Variants in SMYD3 observed in about 807,000 individuals in gnomAD.
SMYD3 encodes the protein histone-lysine N-methyltransferase SMYD3.
SMYD3 carries 36 observed loss-of-function variants against 57.7 expected under a neutral mutation model. The ratio of observed to expected loss-of-function variants is 0.62; its 90% CI spans 0.48 to 0.82. The LOEUF (loss-of-function observed/expected upper bound fraction) is 0.82. Among genes scored for constraint, SMYD3 ranks in the 40% least tolerant of loss-of-function variants. SMYD3 has a pLI of 0.00. For missense variants in SMYD3, 515 were observed against 538.8 expected, an observed-to-expected ratio of 0.96 and a Z score of 0.44; for synonymous variants, 211 against 195.0, an observed-to-expected ratio of 1.08 and a Z score of -0.68.
Position 246,319,174 on chromosome 1 carries a change from AT to A in SMYD3, c.531+8026del, listed in dbSNP as rs2065209058. ...CATAGATGCATGACACCGTTTCATA[AT>A]TAGAATGCCAGGATCTGCATGCAGT... On this transcript the variant is annotated intron_variant, in intron 5 of 11. Coordinates refer to ENST00000490107, the MANE Select transcript of SMYD3 (RefSeq NM_001167740.2). Among the ~76,000 whole-genome samples the A allele has an allele frequency of 1.3e-5, 2 of 152,234 alleles. 1 individual carries two copies. The highest frequency in any genetic ancestry group is 6.3e-3 in the Middle Eastern group (2 of 316).
intron 1 of SMYD3, among the ~76,000 whole-genome samples, chr1:246,412,329 C>T (rs1210512094): frequency 6.6e-6 from 1 of 152,158 alleles, no homozygotes; most frequent in African/African-American, 2.4e-5. Flanking sequence ...TACTTTCTTC[C>T]CTCTTGGCTT....
At chr1:245,839,101 G>T (rs552526865) in intron 10 of SMYD3, among the ~76,000 whole-genome samples, 3 of 152,296 alleles carry the variant, frequency 2.0e-5, no homozygotes, top group African/African-American at 7.2e-5. Flanking sequence ...CCCTCTCCTT[G>T]CCAATCACTG....
chr1:245,977,588 A>C (rs1047427197), intron 5 of SMYD3, among the ~76,000 whole-genome samples: 1 of 152,200 alleles, frequency 6.6e-6, no homozygotes, highest in African/African-American at 2.4e-5. Context: ...CTGAGGCAGG[A>C]GAATTACATG....
intron 8 of SMYD3, among the ~76,000 whole-genome samples, chr1:245,914,233 A>G (rs963496250): frequency 6.6e-6 from 1 of 152,234 alleles, no homozygotes; most frequent in Non-Finnish European, 1.5e-5. Context: ...AAAACTAAAA[A>G]TAGAACTACC....
rs528078470 is a variant in SMYD3 at position 246,168,981 on chromosome 1, A to C, written c.531+158220T>G. ...CCTGCTATGTACTCTGGTCCAATTA[A>C]ATTTCCCATTTGTAATACACAATTT... On this transcript the variant is annotated intron_variant, in intron 5 of 11. Transcript: ENST00000490107. Among the ~76,000 whole-genome samples the C allele has an allele frequency of 2.0e-5, 3 of 152,222 alleles. No individual in the cohort carries two copies. The East Asian group carries it at 5.8e-4, about 29-fold the overall frequency.
chr1:246,292,389 T>A (rs1716891), intron 5 of SMYD3, among the ~76,000 whole-genome samples: 60,666 of 118,722 alleles, frequency 0.51, 14,713 homozygotes, highest in East Asian at 0.84. Context: ...CTTACTATCC[T>A]ACACACCAGC....
chr1:246,467,752 C>G (rs753719700), intron 1 of SMYD3, among the ~76,000 whole-genome samples: 21 of 152,286 alleles, frequency 1.4e-4, no homozygotes, highest in African/African-American at 5.1e-4. Flanking sequence ...TACTTCCAAA[C>G]TCATTCAAAA....
intron 5 of SMYD3, among the ~76,000 whole-genome samples, chr1:246,248,657 T>TTTTTTTC (rs2063749428): frequency 7.0e-6 from 1 of 143,050 alleles, no homozygotes; most frequent in African/African-American, 2.6e-5. Context: ...TTTTTTTTTT[T>TTTTTTTC]TTGAGATGGA....
chr1:245,847,115 TAAG>T lies in SMYD3; in HGVS notation c.1076+11378_1076+11380del, dbSNP rs758040314. Among the ~76,000 whole-genome samples, 12 of 152,280 alleles carry T rather than the reference TAAG, an allele frequency of 7.9e-5. No homozygotes were observed. The East Asian group carries it at 2.1e-3, about 27-fold the overall frequency. The stretch of plus-strand genomic sequence containing the variant: ...CCATTTCCCTTAACACATCTAACAA[TAAG>T]AATAGTACACATTTTTCCATTCTAT... On this transcript the variant is annotated intron_variant, in intron 10 of 11. Coordinates refer to ENST00000490107, the MANE Select transcript of SMYD3 (RefSeq NM_001167740.2).
At chr1:245,907,920 G>A (rs762361978) in intron 8 of SMYD3, among the ~76,000 whole-genome samples, 16 of 152,028 alleles carry the variant, frequency 1.1e-4, no homozygotes, top group Non-Finnish European at 2.4e-4. Context: ...GGCAGATCAC[G>A]AGGTCAGGAG....
At chr1:246,439,095 T>C (rs1285421807) in intron 1 of SMYD3, among the ~76,000 whole-genome samples, 1 of 98,358 alleles carries the variant, frequency 1.0e-5, no homozygotes, top group Non-Finnish European at 2.1e-5. Context: ...TATTGCCACA[T>C]TGTTATTTTC....
intron 10 of SMYD3, chr1:245,814,495 A>C (rs1003826494): frequency 1.7e-5 from 12 of 697,294 alleles, no homozygotes; most frequent in African/African-American, 3.9e-5. Flanking sequence ...CTACTGTTAC[A>C]CCACATACTT....
chr1:245,883,640 T>C (rs2052917348), intron 8 of SMYD3, among the ~76,000 whole-genome samples: 1 of 152,212 alleles, frequency 6.6e-6, no homozygotes. Context: ...TGCTCTTCAC[T>C]GTCCTTCATG....
intron 5 of SMYD3, among the ~76,000 whole-genome samples, chr1:246,184,762 G>C (rs1355923445): frequency 6.6e-6 from 1 of 152,168 alleles, no homozygotes; most frequent in Non-Finnish European, 1.5e-5. Context: ...GACTTAGCAA[G>C]GAGGCACCAT....
At chr1:246,431,918 C>T (rs1456000347) in intron 1 of SMYD3, among the ~76,000 whole-genome samples, 3 of 152,212 alleles carry the variant, frequency 2.0e-5, no homozygotes, top group African/African-American at 7.2e-5. Context: ...AAAACTCTAA[C>T]TTTTATTTAT....
intron 9 of SMYD3, among the ~76,000 whole-genome samples, chr1:245,862,330 A>T (rs2051594384): frequency 6.6e-6 from 1 of 152,110 alleles, no homozygotes. Flanking sequence ...ATACTCTTAA[A>T]TGTTGTTAAA....
chr1:246,326,475 A>C (rs1009205719), intron 5 of SMYD3: 8 of 618,210 alleles, frequency 1.3e-5, no homozygotes, highest in Non-Finnish European at 2.0e-5. Context: ...TTTAAAAAAA[A>C]AAAAAATACT....
At chr1:246,351,227 T>TA (rs1254808449) in intron 2 of SMYD3, among the ~76,000 whole-genome samples, 1 of 152,264 alleles carries the variant, frequency 6.6e-6, no homozygotes, top group Non-Finnish European at 1.5e-5. Flanking sequence ...ACAGTGCTTT[T>TA]AAAAAGTATA....
chr1:246,082,127 T>C (rs2060646935), intron 5 of SMYD3, among the ~76,000 whole-genome samples: 1 of 152,088 alleles, frequency 6.6e-6, no homozygotes, highest in African/African-American at 2.4e-5. Context: ...TCATAGTCCC[T>C]CCCTAAAACT....
Sources: gnomAD v4.1 joint callset for allele counts (sites outside exome capture counted in the v4.1 genomes callset) on GRCh38, gnomAD v4.1.1 for gene constraint, MANE v1.5 for transcripts, NCBI Gene and HGNC (gene_info 2026-07-23, HGNC 2026-07-21) for gene names.